The following UFSP2 variants were observed in gnomAD, a reference collection of about 807,000 sequenced individuals.
UFSP2 encodes the protein UFM1 specific peptidase 2, also known as ufm1-specific protease 2.
A neutral mutation model predicts 60.2 loss-of-function variants in UFSP2; 43 were observed. That is an observed-to-expected ratio of 0.71 (90% CI 0.56 to 0.92). UFSP2 has a LOEUF of 0.92. Among genes scored for constraint, UFSP2 ranks in the 40% least tolerant of loss-of-function variants. The pLI is 0.00. For synonymous variants in UFSP2, 183 were observed against 195.1 expected, an observed-to-expected ratio of 0.94 and a Z score of 0.52; for missense variants, 520 against 575.0, an observed-to-expected ratio of 0.90 and a Z score of 0.98.
At chr4:185,423,466 T>C (rs1012821453) in intron 1 of UFSP2, among the ~76,000 whole-genome samples, 3 of 152,188 alleles carry the variant, frequency 2.0e-5, no homozygotes, top group Non-Finnish European at 2.9e-5. Flanking sequence ...TCTAGTGATA[T>C]GCATTTAGAA....
intron 4 of UFSP2, among the ~76,000 whole-genome samples, chr4:185,416,256 G>A (rs1237687819): frequency 6.6e-6 from 1 of 152,152 alleles, no homozygotes; most frequent in African/African-American, 2.4e-5. Flanking sequence ...TTAAAGCCAC[G>A]CATAGGTTCA....
chr4:185,425,366 A>C (rs1285177646), intron 1 of UFSP2, among the ~76,000 whole-genome samples: 1 of 152,056 alleles, frequency 6.6e-6, no homozygotes, highest in Non-Finnish European at 1.5e-5. Context: ...GTGGGTCTGG[A>C]GCTCAGAAGA....
chr4:185,414,814 C>G (rs780422422), intron 6 of UFSP2, among the ~76,000 whole-genome samples: 40 of 152,094 alleles, frequency 2.6e-4, no homozygotes, highest in Non-Finnish European at 5.0e-4. Flanking sequence ...TTTCACAAAT[C>G]GGAAAGTTAT....
At chr4:185,406,939 A>G (rs1228122530) in intron 9 of UFSP2, among the ~76,000 whole-genome samples, 31 of 152,128 alleles carry the variant, frequency 2.0e-4, no homozygotes, top group Non-Finnish European at 2.9e-5. Context: ...TTACATCTTT[A>G]ACACATAAAA....
At position 185,400,354 on chromosome 4, in the gene UFSP2, T is replaced by C. The variant is rs201469027; in HGVS notation, c.*38A>G. The C allele has an allele frequency of 2.8e-6, 4 of 1,445,034 alleles. No individual in the cohort carries two copies. Among genetic ancestry groups the C allele is most frequent in the Non-Finnish European group, 3.8e-6 (4 of 1,042,812 alleles). 89.5% of individuals were successfully genotyped at this position (1,445,034 alleles called of 1,614,324 possible). A position where few individuals can be genotyped will look rare whatever the true frequency, so the allele number is the denominator to read the frequency against. On this transcript the variant is annotated 3_prime_UTR_variant, in exon 12 of 12. Coordinates refer to ENST00000264689, the MANE Select transcript of UFSP2 (RefSeq NM_018359.5). The stretch of plus-strand genomic sequence containing the variant: ...AACTGATTCTTTATTCACAAATTTA[T>C]AATACCACTCTACTGCAGTCTTTGA...
intron 11 of UFSP2, among the ~76,000 whole-genome samples, chr4:185,401,216 CTAA>C (rs1272271522): frequency 2.6e-5 from 4 of 152,140 alleles, no homozygotes; most frequent in African/African-American, 9.7e-5. Context: ...TGACTCCCTC[CTAA>C]TAAGATACAC....
intron 11 of UFSP2, 39 bp from the exon 12 acceptor site, chr4:185,400,517 G>GT: frequency 6.7e-7 from 1 of 1,488,204 alleles, no homozygotes; most frequent in African/African-American, 1.4e-5. Context: ...CTTTTACAAA[G>GT]TTACAAGATT....
rs1413054581 is a variant in UFSP2, at chr4:185,421,505, AG to A, written c.82+979del. Among the ~76,000 whole-genome samples the A allele has an allele frequency of 1.3e-5, 2 of 152,172 alleles. 1 individual carries two copies. The highest frequency in any genetic ancestry group is 6.3e-3 in the Middle Eastern group (2 of 316). On this transcript the variant is annotated intron_variant, in intron 2 of 11. Transcript: ENST00000264689. Reference sequence around the variant, plus strand: ...TTCACAAAAGAGCTGATTCTTTAAAAGAGCCTGGCACCTCCTCCTCTCTTTT... The same window carrying A: ...TTCACAAAAGAGCTGATTCTTTAAAAAGCCTGGCACCTCCTCCTCTCTTTT...
chr4:185,425,768 G>C, intron 1 of UFSP2, 98 bp downstream of exon 1: 1 of 1,534,182 alleles, frequency 6.5e-7, no homozygotes, highest in Non-Finnish European at 8.8e-7. Flanking sequence ...TTGGACCCCG[G>C]CAGGACCAGC....
At chr4:185,407,822 G>C in intron 9 of UFSP2, 114 bp downstream of exon 9, 2 of 1,151,176 alleles carry the variant, frequency 1.7e-6, no homozygotes, top group East Asian at 5.4e-5. Flanking sequence ...TAATAAGGAA[G>C]AAGGAAAAGG....
At chr4:185,421,994 T>C (rs1045144620) in intron 2 of UFSP2, among the ~76,000 whole-genome samples, 1 of 152,214 alleles carries the variant, frequency 6.6e-6, no homozygotes, top group African/African-American at 2.4e-5. Flanking sequence ...TCTGATGTTC[T>C]TTATCTCAGT....
At chr4:185,419,048 A>G (rs1487670264) in intron 2 of UFSP2, among the ~76,000 whole-genome samples, 2 of 152,178 alleles carry the variant, frequency 1.3e-5, no homozygotes, top group Non-Finnish European at 2.9e-5. Flanking sequence ...TCATCACTCC[A>G]AAAAGAAACC....
intron 1 of UFSP2, 35 bp downstream of exon 1, chr4:185,425,831 A>G: frequency 6.3e-7 from 1 of 1,599,594 alleles, no homozygotes; most frequent in Middle Eastern, 1.7e-4. Flanking sequence ...GTCCGGGGAA[A>G]AACACAGGGG....
intron 10 of UFSP2, among the ~76,000 whole-genome samples, chr4:185,405,524 C>T (rs1007959424): frequency 3.9e-5 from 6 of 152,202 alleles, no homozygotes; most frequent in Non-Finnish European, 8.8e-5. Flanking sequence ...CTTTTTAATA[C>T]TGTTCTCAGC....
intron 11 of UFSP2, 90 bp downstream of exon 11, chr4:185,403,404 C>T (rs2095515647): frequency 6.6e-7 from 1 of 1,518,222 alleles, no homozygotes; most frequent in African/African-American, 1.4e-5. Context: ...CTGCCCTCAG[C>T]TTATTGTCTT....
intron 11 of UFSP2, among the ~76,000 whole-genome samples, chr4:185,401,396 G>A (rs796163502): frequency 3.9e-5 from 6 of 152,262 alleles, no homozygotes; most frequent in African/African-American, 1.4e-4. Context: ...GAGAAAAAAG[G>A]CTCATTCTGT....
At position 185,399,631 on chromosome 4, in the gene UFSP2, T is replaced by C. The variant is rs750030790; in HGVS notation, c.*761A>G. 6 of 1,614,196 alleles carry C rather than the reference T, an allele frequency of 3.7e-6. No individual in the cohort carries two copies. The East Asian group carries it at 1.1e-4, about 30-fold the overall frequency. On this transcript the variant is annotated 3_prime_UTR_variant, in exon 12 of 12. Transcript: ENST00000264689. The stretch of plus-strand genomic sequence containing the variant: ...CGCTTGGTCATGTGGATTTCCAGAC[T>C]GTGCCAAGTTTCTTACAACAATTAA...
intron 8 of UFSP2, 65 bp from the exon 9 acceptor site, chr4:185,408,125 C>T (rs2095523556): frequency 2.5e-6 from 4 of 1,569,466 alleles, no homozygotes; most frequent in Admixed American, 1.7e-5. Flanking sequence ...ATGTTTAGGG[C>T]ATTTTCCCTG....
intron 2 of UFSP2, 80 bp from the exon 3 acceptor site, chr4:185,418,850 A>G (rs2095544055): frequency 3.5e-6 from 4 of 1,151,134 alleles, no homozygotes; most frequent in Non-Finnish European, 4.7e-6. Flanking sequence ...ACAAAAGTAG[A>G]GCATAGTAAA....
Sources: allele counts gnomAD v4.1 joint callset (sites outside exome capture counted in the v4.1 genomes callset), GRCh38; gene constraint gnomAD v4.1.1; transcripts MANE v1.5; gene names NCBI Gene and HGNC (gene_info 2026-07-23, HGNC 2026-07-21).